The following COL21A1 variants were observed in gnomAD, a reference collection of about 807,000 sequenced individuals.
COL21A1 encodes the protein collagen alpha-1(XXI) chain.
A neutral mutation model predicts 137.9 loss-of-function variants in COL21A1; 149 were observed. The ratio of observed to expected loss-of-function variants is 1.08; its 90% CI spans 0.95 to 1.24. COL21A1 has a LOEUF of 1.24. Ranked by LOEUF, COL21A1 falls within the 50% of genes most tolerant of loss-of-function variation. The pLI, the probability that COL21A1 is intolerant of heterozygous loss-of-function variation, is 0.00. For synonymous variants in COL21A1, 456 were observed against 391.5 expected (o/e 1.16, Z -1.95); for missense variants, 1,167 against 1,158.4 (o/e 1.01, Z -0.11).
intron 1 of COL21A1, among the ~76,000 whole-genome samples, chr6:56,350,246 C>T (rs1582798509): frequency 6.6e-6 from 1 of 152,174 alleles, no homozygotes; most frequent in East Asian, 1.9e-4. Context: ...CTGCCACTAA[C>T]TTAGCAGGGT....
intron 7 of COL21A1, among the ~76,000 whole-genome samples, chr6:56,166,049 T>C (rs927197047): frequency 1.3e-5 from 2 of 151,110 alleles, no homozygotes; most frequent in African/African-American, 2.5e-5. Flanking sequence ...TCTAGAACTA[T>C]AATAAATTTT....
chr6:56,324,266 C>A (rs1764945407), intron 1 of COL21A1, among the ~76,000 whole-genome samples: 1 of 152,122 alleles, frequency 6.6e-6, no homozygotes, highest in Non-Finnish European at 1.5e-5. Flanking sequence ...TAACATGGCA[C>A]AGGGACTCAG....
intron 1 of COL21A1, among the ~76,000 whole-genome samples, chr6:56,309,767 T>TA (rs1764565806): frequency 6.6e-6 from 1 of 152,210 alleles, no homozygotes; most frequent in South Asian, 2.1e-4. Context: ...TTAGAACATA[T>TA]AAGCCTATAA....
At chr6:56,319,979 C>T (rs1562053778) in intron 1 of COL21A1, among the ~76,000 whole-genome samples, 1 of 152,058 alleles carries the variant, frequency 6.6e-6, no homozygotes, top group Non-Finnish European at 1.5e-5. Context: ...TCCAGCTCAC[C>T]TCTTTAAATA....
At chr6:56,199,902 G>GT (rs1449503445) in intron 1 of COL21A1, among the ~76,000 whole-genome samples, 18 of 152,266 alleles carry the variant, frequency 1.2e-4, no homozygotes, top group Admixed American at 1.2e-3. Flanking sequence ...GTTTGTGCCA[G>GT]AGACTAAATA....
At chr6:56,173,167 C>T (rs542170913) in intron 3 of COL21A1, among the ~76,000 whole-genome samples, 2 of 152,206 alleles carry the variant, frequency 1.3e-5, no homozygotes, top group Middle Eastern at 3.4e-3. Context: ...GCCTGGGCAA[C>T]ATGGCAAAAC....
At chr6:56,316,206 A>AT (rs1764729656) in intron 1 of COL21A1, among the ~76,000 whole-genome samples, 1 of 152,152 alleles carries the variant, frequency 6.6e-6, no homozygotes, top group Non-Finnish European at 1.5e-5. Context: ...CATTCTTAAC[A>AT]TTTTTTTGTG....
At chr6:56,304,069 C>A (rs1468099430) in intron 1 of COL21A1, among the ~76,000 whole-genome samples, 3 of 152,284 alleles carry the variant, frequency 2.0e-5, no homozygotes, top group African/African-American at 7.2e-5. Context: ...GCCTTGCATC[C>A]CAGGGATGAA....
chr6:56,087,246 C>T (rs749146679), intron 17 of COL21A1, among the ~76,000 whole-genome samples: 10 of 152,124 alleles, frequency 6.6e-5, no homozygotes, highest in Non-Finnish European at 1.3e-4. Flanking sequence ...ATGACAGCAT[C>T]GTCAGTGGTG....
At chr6:56,111,354 T>G (rs1299731788) in intron 16 of COL21A1, among the ~76,000 whole-genome samples, 1 of 152,194 alleles carries the variant, frequency 6.6e-6, no homozygotes. Flanking sequence ...TATCCTGGAC[T>G]GGATCCTGGC....
intron 1 of COL21A1, among the ~76,000 whole-genome samples, chr6:56,240,179 T>C (rs1222186305): frequency 7.2e-6 from 1 of 139,794 alleles, no homozygotes; most frequent in Non-Finnish European, 1.5e-5. Context: ...TTTTTTTAAA[T>C]AAACTACCCA....
rs1208073068 is a variant in COL21A1, at chr6:56,057,536, A to T, written c.*121T>A. The T allele has an allele frequency of 4.3e-6, 4 of 922,680 alleles. No homozygotes were observed. Among genetic ancestry groups the T allele is most frequent in the Admixed American group, 2.8e-5 (1 of 36,230 alleles). The allele number at this position is 922,680 out of a possible 1,614,324, so 57.2% of individuals were successfully genotyped here. ...TTATATTTTTTTCCATAAGAAAAAA[A>T]AAATAAAAACACCGAGGTACTTAAG... is the stretch of plus-strand genomic sequence containing the variant. On this transcript the variant is annotated 3_prime_UTR_variant, in exon 30 of 30. Transcript: ENST00000244728.
At chr6:56,291,199 T>C (rs1430151477) in intron 1 of COL21A1, among the ~76,000 whole-genome samples, 1 of 152,162 alleles carries the variant, frequency 6.6e-6, no homozygotes, top group Non-Finnish European at 1.5e-5. Context: ...AGTAAAACTC[T>C]AACAATATAT....
chr6:56,062,198 A>G (rs1046257754), intron 24 of COL21A1, among the ~76,000 whole-genome samples: 1 of 152,116 alleles, frequency 6.6e-6, no homozygotes, highest in African/African-American at 2.4e-5. Flanking sequence ...TCCTGTGCTT[A>G]AACCATTCAC....
intron 1 of COL21A1, among the ~76,000 whole-genome samples, chr6:56,194,833 C>A (rs951750720): frequency 2.0e-4 from 13 of 64,948 alleles, no homozygotes; most frequent in Non-Finnish European, 3.2e-4. Context: ...GAATGTTTGT[C>A]CCCTCAAAAT....
In COL21A1 at chr6:56,067,227, T is replaced by C. The variant is rs1017354370; in HGVS notation, c.2127+68A>G. 16 of 1,285,286 alleles carry C rather than the reference T, an allele frequency of 1.2e-5. No homozygotes were observed. In the East Asian group the frequency reaches 3.1e-4, roughly 25 times the overall value. 79.6% of individuals were successfully genotyped at this position (1,285,286 alleles called of 1,614,324 possible). On this transcript the variant is annotated intron_variant, in intron 23 of 29. Transcript: ENST00000244728. ...GTTGAAACAGAAAGGAATTTAAAAG[T>C]AAAATAAGAACTTTTTAAAAGCTCT...
In COL21A1 at chr6:56,060,103, G is replaced by A. The variant is rs760794609; in HGVS notation, c.2523C>T (p.Pro841=). Residue 841 remains proline, a synonymous_variant, in exon 28 of 30, where the codon CCC becomes CCT. Coordinates refer to ENST00000244728, the MANE Select transcript of COL21A1 (RefSeq NM_030820.4). ...TTCCTGGCAAACCAGGTAATCCTCTGGGACCCTCTGGGCCTATCGGACCAG... is the reference window on the plus strand; with the variant it reads ...TTCCTGGCAAACCAGGTAATCCTCTAGGACCCTCTGGGCCTATCGGACCAG... The part of the protein sequence containing the change: ...GPPGPIGPEG[P]RGLPGLPGRD... The A allele has an allele frequency of 6.8e-6, 11 of 1,609,912 alleles. No individual in the cohort carries two copies. The highest frequency in any genetic ancestry group is 1.6e-4 in the Middle Eastern group (1 of 6,074).
chr6:56,307,535 T>C (rs1764497192), intron 1 of COL21A1, among the ~76,000 whole-genome samples: 1 of 152,224 alleles, frequency 6.6e-6, no homozygotes, highest in South Asian at 2.1e-4. Context: ...GCACGGGATA[T>C]AATCTCCTGG....
intron 16 of COL21A1, among the ~76,000 whole-genome samples, chr6:56,104,320 G>A (rs1043249430): frequency 3.3e-5 from 5 of 152,240 alleles, no homozygotes; most frequent in East Asian, 1.9e-4. Context: ...TGGATAAAGC[G>A]CTAGCATTTA....
Sources: gnomAD v4.1 joint callset for allele counts (sites outside exome capture counted in the v4.1 genomes callset) on GRCh38, gnomAD v4.1.1 for gene constraint, MANE v1.5 for transcripts, NCBI Gene and HGNC (gene_info 2026-07-23, HGNC 2026-07-21) for gene names.